The following ZNF335 variants were observed in gnomAD, a reference collection of about 807,000 sequenced individuals.
ZNF335 encodes NRC-interacting factor 1.
ZNF335 carries 84 observed loss-of-function variants against 145.6 expected under a neutral mutation model. The observed-to-expected ratio is 0.58, with a 90% confidence interval of 0.48 to 0.69. The LOEUF (loss-of-function observed/expected upper bound fraction) is 0.69. ZNF335 is among the 30% of genes least tolerant of loss of function. The pLI, the probability that ZNF335 is intolerant of heterozygous loss-of-function variation, is 0.00. For missense variants in ZNF335, 1,865 were observed against 1,809.7 expected (o/e 1.03, Z -0.55); for synonymous variants, 761 against 717.0 (o/e 1.06, Z -0.98).
At chr20:45,959,751 AG>A (rs1262008212) in intron 14 of ZNF335, among the ~76,000 whole-genome samples, 1 of 152,166 alleles carries the variant, frequency 6.6e-6, no homozygotes, top group East Asian at 1.9e-4. Context: ...TGTGCTGACC[AG>A]GGAGCTAGGC....
intron 6 of ZNF335, among the ~76,000 whole-genome samples, chr20:45,966,215 G>A (rs2083949769): frequency 6.6e-6 from 1 of 151,798 alleles, no homozygotes; most frequent in Admixed American, 6.6e-5. Context: ...TCAAAAAATT[G>A]GTATTAAAAA....
chr20:45,951,644 A>G (rs540183657), intron 20 of ZNF335, among the ~76,000 whole-genome samples: 1 of 152,360 alleles, frequency 6.6e-6, no homozygotes, highest in South Asian at 2.1e-4. Flanking sequence ...AGACTAATGC[A>G]GCTGCTGTGA....
rs536050766 is a variant in ZNF335, at chr20:45,951,487, G to C, written c.3189+660C>G. ...TTGGCACCAGGGACTGGTTTTATGG[G>C]AGATAACTGTTTCACGGCATGTGCA... On this transcript the variant is annotated intron_variant, in intron 20 of 27. Coordinates refer to ENST00000322927, the MANE Select transcript of ZNF335 (RefSeq NM_022095.4). Among the ~76,000 whole-genome samples the C allele has an allele frequency of 2.2e-4, 34 of 152,354 alleles. 1 individual carries two copies. In the East Asian group the frequency reaches 6.4e-3, roughly 29 times the overall value.
rs749165988 is a variant in ZNF335, at chr20:45,960,362, C to T, written c.1866G>A (p.Lys622=). ...HIQAVANRRF[K]CEFCEFVCED... ...CACAAACAAACTCACAGAACTCACA[C>T]TTGAACCTGGAGGCGGTTAGAGGGA... The change falls in exon 14 of 28, where the codon AAG becomes AAA. Residue 622 remains lysine, a synonymous_variant. Transcript: ENST00000322927. 6 of 1,614,084 alleles carry T rather than the reference C, an allele frequency of 3.7e-6. No individual in the cohort carries two copies. The highest frequency in any genetic ancestry group is 1.3e-5 in the African/African-American group (1 of 74,928).
rs1452778677 is a variant in ZNF335 at position 45,957,598 on chromosome 20, G to GC, written c.2429dup (p.Thr811HisfsTer27). 6.2e-7 allele frequency: 1 copy of GC among 1,614,092 alleles called. No homozygotes were observed. On this transcript the variant is annotated frameshift_variant, in exon 17 of 28. Coordinates refer to ENST00000322927, the MANE Select transcript of ZNF335 (RefSeq NM_022095.4). LOFTEE classifies it high-confidence loss of function. ...CCAGGCAGCTCACCTGCAGGGCTGT[G>GC]CCCCCCAGTTCCCGCTGAGCACTCA...
In ZNF335 at chr20:45,965,582, C is replaced by T. The variant is rs776934696; in HGVS notation, c.1102+46G>A. ...CACAGAGACAAGCAGGGAGAGAGGC[C>T]ACTCCTGACCCACCCACACGAGCCC... On this transcript the variant is annotated intron_variant, in intron 7 of 27. Transcript: ENST00000322927. 12 of 1,555,408 alleles carry T rather than the reference C, an allele frequency of 7.7e-6. No individual in the cohort carries two copies. The South Asian group carries it at 1.2e-4, about 15-fold the overall frequency.
At chr20:45,949,121 G>A in intron 27 of ZNF335, 41 bp from the exon 28 acceptor site, 1 of 1,613,468 alleles carries the variant, frequency 6.2e-7, no homozygotes, top group South Asian at 1.1e-5. Context: ...GGAGGCTCAA[G>A]AGCTGGGTCC....
Position 45,969,432 on chromosome 20 carries a change from GC to G in ZNF335, c.442+18del. On this transcript the variant is annotated intron_variant, in intron 3 of 27. Transcript: ENST00000322927. ...GACACTGCAGGAAAACCCCTGTGGG[GC>G]TCCTCTGCCTGACTCACTCTGGATG... The G allele has an allele frequency of 6.7e-7, 1 of 1,494,694 alleles. No individual in the cohort carries two copies. Among genetic ancestry groups the G allele is most frequent in the Non-Finnish European group, 9.0e-7 (1 of 1,111,864 alleles). 92.6% of individuals were successfully genotyped at this position (1,494,694 alleles called of 1,614,324 possible).
At position 45,960,351 on chromosome 20, in the gene ZNF335, C is replaced by T; in HGVS notation, c.1877G>A (p.Cys626Tyr). 3.7e-6 allele frequency: 6 copies of T among 1,614,230 alleles called. No homozygotes were observed. Among genetic ancestry groups the T allele is most frequent in the Non-Finnish European group, 5.1e-6 (6 of 1,180,034 alleles). Residue 626 changes from cysteine (C) to tyrosine (Y), a missense_variant, in exon 14 of 28, where the codon TGT becomes TAT. Coordinates refer to ENST00000322927, the MANE Select transcript of ZNF335 (RefSeq NM_022095.4). ...VANRRFKCEF[C>Y]EFVCEDKKAL... is the part of the protein sequence containing the mutation. ...CTTCTTGTCTTCACAAACAAACTCA[C>T]AGAACTCACACTTGAACCTGGAGGC...
At chr20:45,960,986 C>A in intron 10 of ZNF335, 104 bp from the exon 11 acceptor site, 1 of 1,481,772 alleles carries the variant, frequency 6.7e-7, no homozygotes. Context: ...TACTCCCTGC[C>A]AAGGCCCCTT....
At chr20:45,953,638 C>T (rs375520351) in intron 18 of ZNF335, 51 bp downstream of exon 18, 60 of 1,600,156 alleles carry the variant, frequency 3.7e-5, no homozygotes, top group Admixed American at 5.0e-5. Flanking sequence ...TCGGACCGAC[C>T]GACCACACCT....
Position 45,963,545 on chromosome 20 carries a change from A to G in ZNF335, c.1461T>C (p.His487=), listed in dbSNP as rs2083890455. The stretch of plus-strand genomic sequence containing the variant: ...TGAAGAGCTGGGGATCGCCAGCCTC[A>G]TGGGAGTTGACGTGGAAGCGCAGGT... The part of the protein sequence containing the change: ...HEDLRFHVNS[H]EAGDPQLFKC... Residue 487 remains histidine, a synonymous_variant, in exon 9 of 28, where the codon CAT becomes CAC. Transcript: ENST00000322927. 1.9e-6 allele frequency: 3 copies of G among 1,614,184 alleles called. No homozygotes were observed. The highest frequency in any genetic ancestry group is 2.5e-6 in the Non-Finnish European group (3 of 1,180,036).
At chr20:45,957,306 G>C (rs149635726) in intron 17 of ZNF335, among the ~76,000 whole-genome samples, 54 of 152,338 alleles carry the variant, frequency 3.5e-4, no homozygotes, top group African/African-American at 1.3e-3. Context: ...GACAAAACAA[G>C]AACAGGGCCC....
rs1297662581 is a variant in ZNF335 at position 45,952,359 on chromosome 20, G to A, written c.2977C>T (p.Pro993Ser). The A allele has an allele frequency of 6.2e-7, 1 of 1,612,216 alleles. No homozygotes were observed. Among genetic ancestry groups the A allele is most frequent in the South Asian group, 1.1e-5 (1 of 90,886 alleles). Residue 993 changes from proline to serine, a missense_variant, in exon 20 of 28, where the codon CCT (proline) becomes TCT (serine). Pro to Ser is a moderately conservative substitution (Grantham distance 74). Coordinates refer to ENST00000322927, the MANE Select transcript of ZNF335 (RefSeq NM_022095.4). ...VGDSQSSASS[P>S]PATSKALGLA... is the part of the protein sequence containing the mutation. Reference sequence around the variant, plus strand: ...CCCAGGGCTTTGCTGGTTGCAGGAGGTGAGGAGGCAGAGCTCTGGGAGTCC... The same window carrying A: ...CCCAGGGCTTTGCTGGTTGCAGGAGATGAGGAGGCAGAGCTCTGGGAGTCC...
intron 23 of ZNF335, 40 bp from the exon 24 acceptor site, chr20:45,949,917 C>T: frequency 1.2e-6 from 2 of 1,614,114 alleles, no homozygotes; most frequent in South Asian, 2.2e-5. Context: ...TTTCTCTACC[C>T]CAACCCCTGC....
chr20:45,965,503 G>C (rs1600544275), intron 7 of ZNF335, 125 bp downstream of exon 7: 4 of 1,192,176 alleles, frequency 3.4e-6, no homozygotes, highest in Non-Finnish European at 3.4e-6. Flanking sequence ...GAGGCCTGCA[G>C]GTGACCCGGT....
At chr20:45,966,719 T>C (rs551654078) in intron 6 of ZNF335, 20 of 151,802 alleles carry the variant, frequency 1.3e-4, no homozygotes, top group African/African-American at 4.4e-4. Flanking sequence ...ACCCAGCTAA[T>C]TTTTTGTATT....
Position 45,963,987 on chromosome 20 carries a change from A to C in ZNF335, c.1106T>G (p.Val369Gly), listed in dbSNP as rs749562178. Residue 369 changes from valine (V) to glycine (G), a missense_variant, in exon 8 of 28, where the codon GTG becomes GGG. Val to Gly is a moderately radical substitution (Grantham distance 109, BLOSUM62 -3). Transcript: ENST00000322927. ...RLEISDLPDG[V>G]EGEPLVSSQS... ...GGAACTCACTAGAGGCTCTCCTTCC[A>C]CACCTGCCACGGACATGCCAGGTCA... The C allele has an allele frequency of 6.6e-7, 1 of 1,516,546 alleles. No homozygotes were observed. Among genetic ancestry groups the C allele is most frequent in the Non-Finnish European group, 8.8e-7 (1 of 1,134,126 alleles). The allele number at this position is 1,516,546 out of a possible 1,614,324, so 93.9% of individuals were successfully genotyped here.
chr20:45,970,654 G>T (rs191829167), intron 2 of ZNF335, among the ~76,000 whole-genome samples: 1 of 152,038 alleles, frequency 6.6e-6, no homozygotes, highest in Admixed American at 6.6e-5. Context: ...AAGCACCCTT[G>T]AAAGCAAGTA....
Sources: allele counts gnomAD v4.1 joint callset (sites outside exome capture counted in the v4.1 genomes callset), GRCh38; gene constraint gnomAD v4.1.1; transcripts MANE v1.5; gene names NCBI Gene and HGNC (gene_info 2026-07-23, HGNC 2026-07-21).